Variants in AK1 observed in about 807,000 individuals in gnomAD.
The protein encoded by AK1 is adenylate kinase 1, also known as adenylate kinase isoenzyme 1.
AK1 carries 13 observed loss-of-function variants against 23.9 expected under a neutral mutation model. The observed-to-expected ratio is 0.54, with a 90% CI of 0.35 to 0.86. AK1 has a LOEUF of 0.86. AK1 is among the 40% of genes least tolerant of loss of function. The pLI, the probability that AK1 is intolerant of heterozygous loss-of-function variation, is 0.01. For missense variants in AK1, 214 were observed against 255.1 expected, an observed-to-expected ratio of 0.84 and a Z score of 1.10; for synonymous variants, 97 against 102.8, an observed-to-expected ratio of 0.94 and a Z score of 0.34.
chr9:127,878,232 C>T (rs936238709), upstream of AK1, among the ~76,000 whole-genome samples: 3 of 152,198 alleles, frequency 2.0e-5, no homozygotes, highest in Non-Finnish European at 4.4e-5. Flanking sequence ...GACTGGAACC[C>T]GCCAGGACCC....
rs1829496544 is a variant in AK1, at chr9:127,874,656, G to C, written c.-32-7C>G. 1 of 1,613,480 alleles carries C rather than the reference G, an allele frequency of 6.2e-7. No homozygotes were observed. Among genetic ancestry groups the C allele is most frequent in the Non-Finnish European group, 8.5e-7 (1 of 1,179,620 alleles). The stretch of plus-strand genomic sequence containing the variant: ...CGGGAGCCGTGTCAGTGCTCTGTAA[G>C]ACAAGGGCACAGGTTGGGGAGGGAT... On this transcript the variant is annotated splice_polypyrimidine_tract_variant and splice_region_variant and intron_variant, in intron 1 of 6. Coordinates refer to ENST00000644144, the MANE Select transcript of AK1 (RefSeq NM_000476.3).
rs544949492 is a variant in AK1, at chr9:127,871,063, G to A, written c.324+760C>T. On this transcript the variant is annotated intron_variant, in intron 5 of 6. Coordinates refer to ENST00000644144, the MANE Select transcript of AK1 (RefSeq NM_000476.3). This position sits in a 1 kb window ranked among gnomAD's most constrained non-coding sequence, Gnocchi z 4.4. ...GTCCGTGACATGCATGTGCAGGAGTGCAGTATCCACTGCCGTGTGTGTGCA... is the reference window on the plus strand; with the variant it reads ...GTCCGTGACATGCATGTGCAGGAGTACAGTATCCACTGCCGTGTGTGTGCA... 2.0e-5 allele frequency among the ~76,000 whole-genome samples: 3 copies of A among 151,966 alleles called. No individual in the cohort carries two copies. In the East Asian group the frequency reaches 5.8e-4, roughly 29 times the overall value.
rs143171239 is a variant in AK1 at position 127,874,100 on chromosome 9, G to A, written c.7+511C>T. On this transcript the variant is annotated intron_variant, in intron 2 of 6. Coordinates refer to ENST00000644144, the MANE Select transcript of AK1 (RefSeq NM_000476.3). ...TGTCTTTAAGAGCTGCCCAGGCCAA[G>A]GCACAGTGCCAGGAACTGGACGGAT... 3.0e-4 allele frequency: 291 copies of A among 985,472 alleles called. 9 individuals carry two copies. In the East Asian group the frequency reaches 0.024, roughly 80 times the overall value. 61.0% of individuals were successfully genotyped at this position (985,472 alleles called of 1,614,324 possible).
Position 127,876,996 on chromosome 9 carries a change from G to C in AK1, c.-33+627C>G, listed in dbSNP as rs2131416938. Among the ~76,000 whole-genome samples the C allele has an allele frequency of 1.3e-5, 2 of 152,330 alleles. 1 individual carries two copies. Among genetic ancestry groups the C allele is most frequent in the South Asian group, 4.1e-4 (2 of 4,830 alleles). ...GTTCCCAGTGGGTGGCAACTGACTA[G>C]GGTTCGAATCCCAGCTCCATCACTC... On this transcript the variant is annotated intron_variant, in intron 1 of 6. Coordinates refer to ENST00000644144, the MANE Select transcript of AK1 (RefSeq NM_000476.3).
rs953888988 is a variant in AK1, at chr9:127,873,240, G to A, written c.8-179C>T. The A allele has an allele frequency of 1.7e-5, 26 of 1,536,508 alleles. 2 individuals are homozygous for A. In the South Asian group the frequency reaches 3.0e-4, roughly 18 times the overall value. On this transcript the variant is annotated intron_variant, in intron 2 of 6. Coordinates refer to ENST00000644144, the MANE Select transcript of AK1 (RefSeq NM_000476.3). Reference sequence around the variant, plus strand: ...CAGCAGGGATGTGAGTGAGCTCGGAGCCTGGGAGAGGTCAGGGAAGAGAGG... The same window carrying A: ...CAGCAGGGATGTGAGTGAGCTCGGAACCTGGGAGAGGTCAGGGAAGAGAGG...
At chr9:127,878,214 T>C (rs1177046965), upstream of AK1, among the ~76,000 whole-genome samples, 2 of 152,042 alleles carry the variant, frequency 1.3e-5, no homozygotes, top group African/African-American at 2.4e-5. Flanking sequence ...CCCTTCGAGC[T>C]CCTCTGGGAC....
At position 127,867,920 on chromosome 9, in the gene AK1, G is replaced by T; in HGVS notation, c.*88C>A. The T allele has an allele frequency of 7.7e-7, 1 of 1,295,824 alleles. No individual in the cohort carries two copies. The highest frequency in any genetic ancestry group is 1.1e-6 in the Non-Finnish European group (1 of 890,552). The allele number at this position is 1,295,824 out of a possible 1,614,324, so 80.3% of individuals were successfully genotyped here. On this transcript the variant is annotated 3_prime_UTR_variant, in exon 7 of 7. Coordinates refer to ENST00000644144, the MANE Select transcript of AK1 (RefSeq NM_000476.3). ...CCTCCGTCTGTGCTCAGCAGGGCAG[G>T]GTGGAGGCGCTGCGCTCAGGCCAGG...
Position 127,867,759 on chromosome 9 carries a change from G to A in AK1, c.*249C>T, listed in dbSNP as rs1829279453. On this transcript the variant is annotated 3_prime_UTR_variant, in exon 7 of 7. Coordinates refer to ENST00000644144, the MANE Select transcript of AK1 (RefSeq NM_000476.3). Reference sequence around the variant, plus strand: ...GCTGAGGAGGAACGGAGGGTTGAGGGGCTGGGGACTTGCGGCCAGGTAGGC... The same window carrying A: ...GCTGAGGAGGAACGGAGGGTTGAGGAGCTGGGGACTTGCGGCCAGGTAGGC... The A allele has an allele frequency of 6.0e-6, 3 of 498,074 alleles. No individual in the cohort carries two copies. The highest frequency in any genetic ancestry group is 3.9e-5 in the African/African-American group (2 of 51,272). 30.9% of individuals were successfully genotyped at this position (498,074 alleles called of 1,614,324 possible).
Position 127,868,897 on chromosome 9 carries a change from G to A in AK1, c.325-385C>T, listed in dbSNP as rs1296739471. Among the ~76,000 whole-genome samples the A allele has an allele frequency of 3.3e-5, 5 of 152,194 alleles. No homozygotes were observed. Among genetic ancestry groups the A allele is most frequent in the Admixed American group, 6.5e-5 (1 of 15,278 alleles). On this transcript the variant is annotated intron_variant, in intron 5 of 6. Transcript: ENST00000644144. The surrounding 1 kb of genome is among the most constrained non-coding windows in gnomAD (Gnocchi z 4.1). ...ACCAAGCATCAGGTTTCAGTGCGAA[G>A]CTCACTTCCTCAGGGCAGTCTCTCT...
intron 1 of AK1, among the ~76,000 whole-genome samples, chr9:127,875,432 C>A (rs1829516795): frequency 6.6e-6 from 1 of 150,982 alleles, no homozygotes; most frequent in Non-Finnish European, 1.5e-5. Flanking sequence ...CCTCTGGACA[C>A]CTTTGGCCTC....
At position 127,872,847 on chromosome 9, in the gene AK1, G is replaced by A. The variant is rs781091960; in HGVS notation, c.50C>T (p.Pro17Leu). Residue 17 changes from proline (P) to leucine (L), a missense_variant, in exon 4 of 7, where the codon CCT becomes CTT. Pro to Leu is a moderately conservative substitution (Grantham distance 98). Coordinates refer to ENST00000644144, the MANE Select transcript of AK1 (RefSeq NM_000476.3). ...KTKIIFVVGGPGSGKGTQCEK... is the reference protein window; with the variant it reads ...KTKIIFVVGGLGSGKGTQCEK... ...ACACTGGGTGCCCTTCCCTGAGCCA[G>A]GCCCACCTGCAAACGCCCACCCATT... 1 of 1,614,044 alleles carries A rather than the reference G, an allele frequency of 6.2e-7. No individual in the cohort carries two copies. Among genetic ancestry groups the A allele is most frequent in the Non-Finnish European group, 8.5e-7 (1 of 1,180,000 alleles).
chr9:127,872,743 C>G lies in AK1; in HGVS notation c.154G>C (p.Ala52Pro). 6.2e-7 allele frequency: 1 copy of G among 1,614,140 alleles called. No individual in the cohort carries two copies. Among genetic ancestry groups the G allele is most frequent in the Non-Finnish European group, 8.5e-7 (1 of 1,180,024 alleles). The change falls in exon 4 of 7, where the codon GCC becomes CCC. Residue 52 changes from alanine (A) to proline (P), a missense_variant. Physicochemically the swap from Ala to Pro is conservative, Grantham distance 27. Transcript: ENST00000644144. ...LLRSEVSSGS[A>P]RGKKLSEIME... The stretch of plus-strand genomic sequence containing the variant: ...ATTTCCGACAGCTTCTTGCCCCTGG[C>G]CGAGCCTGAGCTGACCTCGGACCGC...
chr9:127,874,743 G>C (rs535521349), intron 1 of AK1, 94 bp from the exon 2 acceptor site: 1 of 1,261,746 alleles, frequency 7.9e-7, no homozygotes, highest in Admixed American at 1.9e-5. Flanking sequence ...GTGTGTGCCA[G>C]GCCCGACATG....
At position 127,867,649 on chromosome 9, in the gene AK1, G is replaced by C. The variant is rs551745873; in HGVS notation, c.*359C>G. On this transcript the variant is annotated 3_prime_UTR_variant, in exon 7 of 7. Transcript: ENST00000644144. Reference sequence around the variant, plus strand: ...AGCAGGGGCCCCGCCACTCAGCGCCGGGTCCTCAGGCCAGGCATGCCCTGT... The same window carrying C: ...AGCAGGGGCCCCGCCACTCAGCGCCCGGTCCTCAGGCCAGGCATGCCCTGT... 3.3e-6 allele frequency: 1 copy of C among 303,800 alleles called. No homozygotes were observed. The highest frequency in any genetic ancestry group is 8.0e-5 in the East Asian group (1 of 12,504). 18.8% of individuals were successfully genotyped at this position (303,800 alleles called of 1,614,324 possible). A position where few individuals can be genotyped will look rare whatever the true frequency, so the allele number is the denominator to read the frequency against.
chr9:127,868,375 G>A lies in AK1; in HGVS notation c.462C>T (p.Tyr154=). 6.2e-7 allele frequency: 1 copy of A among 1,611,582 alleles called. No homozygotes were observed. Among genetic ancestry groups the A allele is most frequent in the South Asian group, 1.1e-5 (1 of 90,446 alleles). ...AGGCGATGACAGGTTCTGTGGCCTT[G>A]TAATAGGTCTCCAGCCGCTTTTTGA... ...ETIKKRLETY[Y]KATEPVIAFY... Residue 154 remains tyrosine (Y), a synonymous_variant, in exon 6 of 7, where the codon TAC becomes TAT. Coordinates refer to ENST00000644144, the MANE Select transcript of AK1 (RefSeq NM_000476.3). The surrounding 1 kb of genome is among the most constrained non-coding windows in gnomAD (Gnocchi z 4.1).
At position 127,872,699 on chromosome 9, in the gene AK1, C is replaced by T; in HGVS notation, c.198G>A (p.Leu66=). 3 of 1,614,128 alleles carry T rather than the reference C, an allele frequency of 1.9e-6. No homozygotes were observed. Among genetic ancestry groups the T allele is most frequent in the Non-Finnish European group, 8.5e-7 (1 of 1,180,032 alleles). ...KLSEIMEKGQ[L]VPLETVLDML... is the part of the protein sequence containing the mutation. ...ACCAGGGCCCACTCACCAGTGGAAC[C>T]AGCTGCCCCTTCTCCATGATTTCCG... Residue 66 remains leucine (L), a synonymous_variant, in exon 4 of 7, where the codon CTG becomes CTA. Coordinates refer to ENST00000644144, the MANE Select transcript of AK1 (RefSeq NM_000476.3).
At chr9:127,879,580 G>C (rs1393194350), upstream of AK1, 1 of 128,896 alleles carries the variant, frequency 7.8e-6, no homozygotes, top group Non-Finnish European at 1.5e-5. Context: ...CCGAGATCAC[G>C]CCATTGCACT....
rs61742069 is a variant in AK1 at position 127,872,711 on chromosome 9, C to A, written c.186G>T (p.Glu62Asp). ...ARGKKLSEIM[E>D]KGQLVPLETV... ...TCACCAGTGGAACCAGCTGCCCCTT[C>A]TCCATGATTTCCGACAGCTTCTTGC... Residue 62 changes from glutamate (E) to aspartate (D), a missense_variant, in exon 4 of 7, where the codon GAG (glutamate) becomes GAT (aspartate). Coordinates refer to ENST00000644144, the MANE Select transcript of AK1 (RefSeq NM_000476.3). 2 of 1,614,152 alleles carry A rather than the reference C, an allele frequency of 1.2e-6. No individual in the cohort carries two copies. The highest frequency in any genetic ancestry group is 1.7e-5 in the Admixed American group (1 of 60,034).
In AK1 at chr9:127,867,824, A is replaced by G; in HGVS notation, c.*184T>C. On this transcript the variant is annotated 3_prime_UTR_variant, in exon 7 of 7. Transcript: ENST00000644144. Reference sequence around the variant, plus strand: ...CAACTCCAACTGGAAGCAGAGAAAAAGCAGTAAAACCAAATGTCCTTAGAA... The same window carrying G: ...CAACTCCAACTGGAAGCAGAGAAAAGGCAGTAAAACCAAATGTCCTTAGAA... 2 of 616,258 alleles carry G rather than the reference A, an allele frequency of 3.2e-6. No individual in the cohort carries two copies. Among genetic ancestry groups the G allele is most frequent in the Non-Finnish European group, 5.8e-6 (2 of 344,608 alleles). 38.2% of individuals were successfully genotyped at this position (616,258 alleles called of 1,614,324 possible). A position where few individuals can be genotyped will look rare whatever the true frequency, so the allele number is the denominator to read the frequency against.
Sources: allele counts gnomAD v4.1 joint callset (sites outside exome capture counted in the v4.1 genomes callset), GRCh38; gene constraint gnomAD v4.1.1; non-coding constraint Gnocchi (gnomAD v3.1); transcripts MANE v1.5; gene names NCBI Gene and HGNC (gene_info 2026-07-23, HGNC 2026-07-21).